WDR72: variants seen among roughly 807,000 people sequenced by gnomAD.
WDR72 encodes WD repeat-containing protein 72.
In WDR72, 120 loss-of-function variants were observed where a neutral mutation model predicts 124.2. The ratio of observed to expected loss-of-function variants is 0.97; its 90% CI spans 0.83 to 1.12. The LOEUF is 1.12. WDR72 is among the 50% of genes most tolerant of loss of function. The pLI is 0.00. For missense variants in WDR72, 1,387 were observed against 1,278.8 expected (o/e 1.08, Z -1.29); for synonymous variants, 452 against 441.7 (o/e 1.02, Z -0.29).
chr15:53,690,177 T>C (rs1370018868), intron 13 of WDR72, among the ~76,000 whole-genome samples: 1 of 151,854 alleles, frequency 6.6e-6, no homozygotes, highest in East Asian at 1.9e-4. Context: ...GTAACTAACC[T>C]GCACAATGTG....
intron 18 of WDR72, among the ~76,000 whole-genome samples, chr15:53,584,991 T>C (rs911102950): frequency 3.9e-5 from 6 of 152,108 alleles, no homozygotes; most frequent in Admixed American, 3.3e-4. Flanking sequence ...GTTGCGTAAA[T>C]TGTGAACTTT....
rs1683844419 is a variant in WDR72 at position 53,515,685 on chromosome 15, T to A, written c.*2014A>T. On this transcript the variant is annotated 3_prime_UTR_variant, in exon 20 of 20. Coordinates refer to ENST00000360509, the MANE Select transcript of WDR72 (RefSeq NM_182758.4). ...ATCCTAACATTTCCACTTAGTAATGTCAGGGTTGTGCCAGTTCTAATTTCC... is the reference window on the plus strand; with the variant it reads ...ATCCTAACATTTCCACTTAGTAATGACAGGGTTGTGCCAGTTCTAATTTCC... 6.6e-6 allele frequency: 1 copy of A among 152,188 alleles called. No individual in the cohort carries two copies. Among genetic ancestry groups the A allele is most frequent in the East Asian group, 1.9e-4 (1 of 5,196 alleles). 9.4% of individuals were successfully genotyped at this position (152,188 alleles called of 1,614,324 possible).
intron 3 of WDR72, 133 bp downstream of exon 3, chr15:53,722,669 T>C (rs1038881741): frequency 2.6e-6 from 2 of 768,510 alleles, no homozygotes; most frequent in African/African-American, 3.5e-5. Context: ...ACTTTCTATA[T>C]CTAAATGTTC....
chr15:53,651,859 G>T (rs2140428718), intron 14 of WDR72: 1 of 152,250 alleles, frequency 6.6e-6, no homozygotes, highest in East Asian at 1.9e-4. Flanking sequence ...CACCATGTTG[G>T]TCAGGCTGGT....
At chr15:53,621,430 G>GATATATATATATATATATATATATAT (rs57355125) in intron 14 of WDR72, among the ~76,000 whole-genome samples, 22 of 124,350 alleles carry the variant, frequency 1.8e-4, no homozygotes, top group African/African-American at 7.6e-4. Flanking sequence ...AAGAAACTGT[G>GATATATATATATATATATATATATAT]ATATATATAT....
chr15:53,558,479 T>C (rs1894008563), intron 18 of WDR72, among the ~76,000 whole-genome samples: 1 of 152,060 alleles, frequency 6.6e-6, no homozygotes, highest in Non-Finnish European at 1.5e-5. Context: ...TCATTAAATA[T>C]TACTCCATAG....
chr15:53,715,103 T>C, intron 5 of WDR72, 90 bp downstream of exon 5: 1 of 1,424,810 alleles, frequency 7.0e-7, no homozygotes, highest in South Asian at 1.2e-5. Flanking sequence ...GCATTCTTTC[T>C]GAATTTCTGC....
chr15:53,597,310 A>G (rs761685213), intron 17 of WDR72, 36 bp from the exon 18 acceptor site: 66 of 1,600,760 alleles, frequency 4.1e-5, no homozygotes, highest in Non-Finnish European at 5.5e-5. Context: ...TATTTTTAGT[A>G]TTATTACAAA....
chr15:53,706,363 T>TACATAC (rs1484258096), intron 9 of WDR72, among the ~76,000 whole-genome samples: 21 of 41,866 alleles, frequency 5.0e-4, no homozygotes, highest in African/African-American at 1.8e-3. Context: ...TATATATATA[T>TACATAC]ATATATATAT....
intron 13 of WDR72, among the ~76,000 whole-genome samples, chr15:53,693,245 A>G (rs995871645): frequency 6.6e-6 from 1 of 152,210 alleles, no homozygotes; most frequent in Non-Finnish European, 1.5e-5. Flanking sequence ...GTTGTCTACC[A>G]TAAAAGAAGG....
At chr15:53,545,065 A>G (rs1893372512) in intron 18 of WDR72, among the ~76,000 whole-genome samples, 1 of 148,288 alleles carries the variant, frequency 6.7e-6, no homozygotes, top group Non-Finnish European at 1.5e-5. Flanking sequence ...AAGAATCAAT[A>G]TCGTGAAAAT....
intron 18 of WDR72, among the ~76,000 whole-genome samples, chr15:53,555,982 T>C (rs2140286671): frequency 6.6e-6 from 1 of 152,290 alleles, no homozygotes; most frequent in East Asian, 1.9e-4. Flanking sequence ...TTCTCTAATA[T>C]GTAGCTATAT....
At chr15:53,637,866 C>A (rs535399624) in intron 14 of WDR72, among the ~76,000 whole-genome samples, 2 of 152,138 alleles carry the variant, frequency 1.3e-5, no homozygotes, top group Non-Finnish European at 2.9e-5. Context: ...AGTGAGACTC[C>A]TTCAATCTAG....
At chr15:53,558,884 C>G (rs1894023900) in intron 18 of WDR72, among the ~76,000 whole-genome samples, 1 of 151,914 alleles carries the variant, frequency 6.6e-6, no homozygotes, top group Non-Finnish European at 1.5e-5. Context: ...ATAAAAGTCT[C>G]TTAATGAAAC....
intron 13 of WDR72, among the ~76,000 whole-genome samples, chr15:53,692,037 A>G (rs746179482): frequency 9.2e-5 from 14 of 152,192 alleles, no homozygotes; most frequent in East Asian, 3.8e-4. Flanking sequence ...CTTGCCCTCA[A>G]GATGTTTTCA....
rs199973374 is a variant in WDR72 at position 53,712,899 on chromosome 15, A to G, written c.592-8T>C. On this transcript the variant is annotated splice_polypyrimidine_tract_variant and splice_region_variant and intron_variant, in intron 6 of 19. Coordinates refer to ENST00000360509, the MANE Select transcript of WDR72 (RefSeq NM_182758.4). ...ATAGACATCTTGCTTTTCCTTCAAAAGGAAAGAAAATCTTTTAGTACTAGT... is the reference window on the plus strand; with the variant it reads ...ATAGACATCTTGCTTTTCCTTCAAAGGGAAAGAAAATCTTTTAGTACTAGT... 591 of 1,612,954 alleles carry G rather than the reference A, an allele frequency of 3.7e-4. 1 individual carries two copies. Among genetic ancestry groups the G allele is most frequent in the Non-Finnish European group, 4.8e-4 (561 of 1,179,432 alleles).
intron 14 of WDR72, among the ~76,000 whole-genome samples, chr15:53,629,024 C>T (rs1387034208): frequency 6.6e-6 from 1 of 151,962 alleles, no homozygotes; most frequent in East Asian, 1.9e-4. Flanking sequence ...CTAGAAAAAT[C>T]CTAATCTAAC....
rs546313152 is a variant in WDR72 at position 53,590,856 on chromosome 15, C to T, written c.3148+6223G>A. ...TTAACTGTAACTATGTTAATCATTACTGTTGTTATTCCAGAAGGCTAAGGG... is the reference window on the plus strand; with the variant it reads ...TTAACTGTAACTATGTTAATCATTATTGTTGTTATTCCAGAAGGCTAAGGG... On this transcript the variant is annotated intron_variant, in intron 18 of 19. Transcript: ENST00000360509. 2.0e-5 allele frequency among the ~76,000 whole-genome samples: 3 copies of T among 152,088 alleles called. No individual in the cohort carries two copies. The South Asian group carries it at 6.2e-4, about 32-fold the overall frequency.
chr15:53,721,703 A>G (rs898608590), intron 3 of WDR72, among the ~76,000 whole-genome samples: 3 of 152,244 alleles, frequency 2.0e-5, no homozygotes, highest in African/African-American at 7.2e-5. Context: ...TTCAGAATTC[A>G]GAAGCGTATA....
Sources: gnomAD v4.1 joint callset for allele counts (sites outside exome capture counted in the v4.1 genomes callset) on GRCh38, gnomAD v4.1.1 for gene constraint, MANE v1.5 for transcripts, NCBI Gene and HGNC (gene_info 2026-07-23, HGNC 2026-07-21) for gene names.